RGS6: variants seen among roughly 807,000 people sequenced by gnomAD.
The protein encoded by RGS6 is regulator of G-protein signaling 6.
In RGS6, 30 loss-of-function variants were observed where a neutral mutation model predicts 78.5. That is an observed-to-expected ratio of 0.38 (90% CI 0.29 to 0.52). The LOEUF is 0.52. Ranked by LOEUF, RGS6 falls within the 20% of genes least tolerant of loss-of-function variation. The pLI is 0.85. For missense variants in RGS6, 495 were observed against 609.7 expected, an observed-to-expected ratio of 0.81 and a Z score of 1.98; for synonymous variants, 206 against 206.0, an observed-to-expected ratio of 1.00 and a Z score of 0.00.
chr14:72,416,505 C>T (rs2093819845), intron 3 of RGS6, among the ~76,000 whole-genome samples: 1 of 151,962 alleles, frequency 6.6e-6, no homozygotes, highest in Non-Finnish European at 1.5e-5. Context: ...TTAGGTTAAC[C>T]TAAAACTAAA....
At chr14:72,453,927 G>A (rs1023291365) in intron 3 of RGS6, among the ~76,000 whole-genome samples, 7 of 152,214 alleles carry the variant, frequency 4.6e-5, no homozygotes, top group Non-Finnish European at 1.0e-4. Flanking sequence ...GTCCAGGTCT[G>A]GAAGTGGCAT....
At chr14:72,149,787 A>C (rs962652607) in intron 2 of RGS6, among the ~76,000 whole-genome samples, 2 of 152,166 alleles carry the variant, frequency 1.3e-5, no homozygotes, top group African/African-American at 4.8e-5. Flanking sequence ...TATATCTCCA[A>C]ATTTAAATTG....
chr14:71,890,603 T>C, the RGS6 span, among the ~76,000 whole-genome samples: 79,800 of 152,080 alleles, frequency 0.52, 24,067 homozygotes, highest in Non-Finnish European at 0.68. Flanking sequence ...CAGTTAATTC[T>C]AGGGCTGCCT....
chr14:72,054,564 TC>T (rs2093515210), intron 2 of RGS6, among the ~76,000 whole-genome samples: 1 of 152,216 alleles, frequency 6.6e-6, no homozygotes. Context: ...TTCCTTCCAT[TC>T]TTGGTTCATG....
At chr14:72,197,401 G>A (rs183639792) in intron 2 of RGS6, among the ~76,000 whole-genome samples, 11 of 152,230 alleles carry the variant, frequency 7.2e-5, no homozygotes, top group Admixed American at 1.3e-4. Context: ...ACCCATGCCA[G>A]AGTGCCTAGC....
At chr14:71,962,298 G>T (rs1408001840) in intron 1 of RGS6, among the ~76,000 whole-genome samples, 1 of 150,796 alleles carries the variant, frequency 6.6e-6, no homozygotes, top group Non-Finnish European at 1.5e-5. Flanking sequence ...GCTGGGCAGA[G>T]GGAGGCCGGG....
At chr14:72,212,323 T>C (rs1026217741) in intron 2 of RGS6, among the ~76,000 whole-genome samples, 6 of 152,194 alleles carry the variant, frequency 3.9e-5, no homozygotes, top group Middle Eastern at 3.2e-3. Context: ...ATTGATAACC[T>C]AAGCAAAGAC....
At chr14:72,158,567 C>G (rs1478957654) in intron 2 of RGS6, among the ~76,000 whole-genome samples, 1 of 152,184 alleles carries the variant, frequency 6.6e-6, no homozygotes, top group African/African-American at 2.4e-5. Flanking sequence ...CAGCAACCCC[C>G]TTCTCCACCC....
intron 3 of RGS6, among the ~76,000 whole-genome samples, chr14:72,398,781 C>G (rs2091900556): frequency 6.6e-6 from 1 of 152,098 alleles, no homozygotes; most frequent in Admixed American, 6.6e-5. Flanking sequence ...CAAAAAACAT[C>G]TTTATTTCTC....
chr14:72,416,545 A>G (rs1178470467), intron 3 of RGS6, among the ~76,000 whole-genome samples: 1 of 150,410 alleles, frequency 6.6e-6, no homozygotes, highest in Non-Finnish European at 1.5e-5. Context: ...CCTACCAAGA[A>G]AAAAAAAATT....
the RGS6 span, among the ~76,000 whole-genome samples, chr14:71,888,419 A>AC: frequency 1.2e-5 from 1 of 80,514 alleles, no homozygotes; most frequent in African/African-American, 1.4e-4. Context: ...GCTCTGTCTC[A>AC]AAAAAAAAAA....
chr14:72,241,410 A>C (rs974087163), intron 2 of RGS6, among the ~76,000 whole-genome samples: 1 of 152,148 alleles, frequency 6.6e-6, no homozygotes, highest in Non-Finnish European at 1.5e-5. Flanking sequence ...TTCATAGGTA[A>C]TTATGATGCA....
chr14:72,595,872 A>T, the RGS6 span, among the ~76,000 whole-genome samples: 1 of 152,316 alleles, frequency 6.6e-6, no homozygotes, highest in South Asian at 2.1e-4. Context: ...CGCTGCTTAA[A>T]TCACGTACCT....
the RGS6 span, among the ~76,000 whole-genome samples, chr14:71,897,429 G>A: frequency 6.6e-6 from 1 of 152,196 alleles, no homozygotes; most frequent in South Asian, 2.1e-4. Context: ...TGGAGGGCTA[G>A]GAACATGAAG....
intron 2 of RGS6, among the ~76,000 whole-genome samples, chr14:72,109,825 C>G (rs1263869914): frequency 6.6e-6 from 1 of 152,146 alleles, no homozygotes; most frequent in African/African-American, 2.4e-5. Context: ...CAAAATTACA[C>G]ACAGAAGACC....
chr14:72,525,842 C>A (rs1478384389), intron 15 of RGS6, among the ~76,000 whole-genome samples: 1 of 152,186 alleles, frequency 6.6e-6, no homozygotes, highest in Admixed American at 6.5e-5. Context: ...ACACTGCTTG[C>A]TCTGGGGGTT....
chr14:72,435,957 A>G (rs740536), intron 3 of RGS6, among the ~76,000 whole-genome samples: 11,267 of 152,122 alleles, frequency 0.074, 798 homozygotes, highest in African/African-American at 0.15. Flanking sequence ...CATCGGGGGG[A>G]CATTATTCTA....
intron 2 of RGS6, among the ~76,000 whole-genome samples, chr14:72,090,763 G>A (rs931687254): frequency 1.3e-5 from 2 of 152,138 alleles, no homozygotes; most frequent in African/African-American, 4.8e-5. Context: ...TTTTTGGAGA[G>A]TGCCCAGCCA....
chr14:71,874,642 C>G, the RGS6 span, among the ~76,000 whole-genome samples: 1 of 152,174 alleles, frequency 6.6e-6, no homozygotes, highest in Non-Finnish European at 1.5e-5. Flanking sequence ...ATTTCTTTCT[C>G]CTGCCTGATT....
Sources: allele counts gnomAD v4.1 joint callset (sites outside exome capture counted in the v4.1 genomes callset), GRCh38; gene constraint gnomAD v4.1.1; transcripts MANE v1.5; gene names NCBI Gene and HGNC (gene_info 2026-07-23, HGNC 2026-07-21).